ABCC9: variants seen among roughly 807,000 people sequenced by gnomAD.
ABCC9 encodes ATP-binding cassette sub-family C member 9.
Under a neutral mutation model 188.3 loss-of-function variants are expected in ABCC9, and 95 were observed. The ratio of observed to expected loss-of-function variants is 0.50; its 90% CI spans 0.43 to 0.60. The LOEUF (loss-of-function observed/expected upper bound fraction) is 0.60, where lower values mean the gene tolerates loss of function less well. Among genes scored for constraint, ABCC9 ranks in the 20% least tolerant of loss-of-function variants. The pLI is 0.00. For synonymous variants in ABCC9, 659 were observed against 652.7 expected, an observed-to-expected ratio of 1.01 and a Z score of -0.15; for missense variants, 1,102 against 1,876.3, an observed-to-expected ratio of 0.59 and a Z score of 7.62.
intron 12 of ABCC9, among the ~76,000 whole-genome samples, chr12:21,904,039 C>T (rs943452826): frequency 2.0e-5 from 3 of 152,194 alleles, no homozygotes; most frequent in African/African-American, 7.2e-5. Flanking sequence ...TACTACAAGG[C>T]TACAGTAACC....
intron 12 of ABCC9, among the ~76,000 whole-genome samples, chr12:21,903,311 A>G (rs892542773): frequency 3.9e-5 from 6 of 152,308 alleles, no homozygotes; most frequent in African/African-American, 1.2e-4. Flanking sequence ...TGACAAACCC[A>G]CAGCCAATAT....
In ABCC9 at chr12:21,907,492, T is replaced by A. The variant is rs4148659; in HGVS notation, c.1455+585A>T. On this transcript the variant is annotated intron_variant, in intron 11 of 39. Coordinates refer to ENST00000261200, the MANE Select transcript of ABCC9 (RefSeq NM_020297.4). ...AACAATTTTATTATTTGCAAAGATT[T>A]CTCTAAAAGCAGCAAATTCGTGCTC... Among the ~76,000 whole-genome samples the A allele has an allele frequency of 8.5e-5, 13 of 152,144 alleles. No homozygotes were observed. The East Asian group carries it at 2.3e-3, about 27-fold the overall frequency.
Position 21,881,037 on chromosome 12 carries a change from A to AAC in ABCC9, c.2019+1727_2019+1728dup, listed in dbSNP as rs374702057. 8.0e-4 allele frequency among the ~76,000 whole-genome samples: 122 copies of AAC among 151,712 alleles called. 1 individual carries two copies. The highest frequency in any genetic ancestry group is 6.2e-3 in the Admixed American group (94 of 15,216). Reference sequence around the variant, plus strand: ...ATACATAGTGTTGAGCAAAAGAAGCAACACACACACACACATATACACATA... The same window carrying AAC: ...ATACATAGTGTTGAGCAAAAGAAGCAACACACACACACACACATATACACATA... On this transcript the variant is annotated intron_variant, in intron 16 of 39. Coordinates refer to ENST00000261200, the MANE Select transcript of ABCC9 (RefSeq NM_020297.4).
chr12:21,902,354 T>A (rs1474326686), intron 12 of ABCC9, among the ~76,000 whole-genome samples: 2 of 152,070 alleles, frequency 1.3e-5, no homozygotes, highest in Non-Finnish European at 2.9e-5. Context: ...AGGAAAGATC[T>A]AAAACGGACA....
At chr12:21,886,003 T>A (rs1190108110) in intron 15 of ABCC9, among the ~76,000 whole-genome samples, 1 of 152,194 alleles carries the variant, frequency 6.6e-6, no homozygotes, top group Non-Finnish European at 1.5e-5. Context: ...TTTTTTCTAA[T>A]AGTAACAATT....
At chr12:21,838,935 A>G (rs1944241768) in intron 29 of ABCC9, among the ~76,000 whole-genome samples, 1 of 152,154 alleles carries the variant, frequency 6.6e-6, no homozygotes, top group Admixed American at 6.6e-5. Flanking sequence ...CTGAGGCAGG[A>G]GAATCACCTG....
intron 3 of ABCC9, among the ~76,000 whole-genome samples, chr12:21,934,907 T>A (rs1390111790): frequency 6.6e-6 from 1 of 152,136 alleles, no homozygotes; most frequent in Non-Finnish European, 1.5e-5. Context: ...ATATTTAATA[T>A]ATTCTACTAG....
intron 4 of ABCC9, among the ~76,000 whole-genome samples, chr12:21,927,798 T>C (rs1186150526): frequency 1.3e-5 from 2 of 152,306 alleles, no homozygotes; most frequent in East Asian, 1.9e-4. Context: ...GAAAGTAGTA[T>C]GGTAGCGCTT....
At chr12:21,838,283 AT>A in intron 29 of ABCC9, 113 bp from the exon 30 acceptor site, 3 of 848,456 alleles carry the variant, frequency 3.5e-6, no homozygotes, top group Non-Finnish European at 2.0e-6. Context: ...CCTCATTGAA[AT>A]TTTTTCCCCT....
chr12:21,818,026 T>G (rs1359288181), intron 32 of ABCC9, 124 bp downstream of exon 32: 1 of 373,786 alleles, frequency 2.7e-6, no homozygotes, highest in Non-Finnish European at 5.4e-6. Flanking sequence ...CACCCCCCAA[T>G]AGGCCCTGGT....
chr12:21,915,500 G>GTATATATATATA (rs1948554206), intron 7 of ABCC9, among the ~76,000 whole-genome samples, 168 bp downstream of exon 7: 1 of 8,362 alleles, frequency 1.2e-4, no homozygotes, highest in African/African-American at 5.1e-4. Flanking sequence ...GTGTGTGTGT[G>GTATATATATATA]TATATATATA....
chr12:21,809,860 C>T lies in ABCC9; in HGVS notation c.4307G>A (p.Gly1436Glu). 6.3e-7 allele frequency: 1 copy of T among 1,599,866 alleles called. No homozygotes were observed. The highest frequency in any genetic ancestry group is 1.1e-5 in the South Asian group (1 of 90,762). The change falls in exon 37 of 40, where the codon GGA (glycine) becomes GAA (glutamate). Residue 1436 changes from glycine (G) to glutamate (E), a missense_variant. Gly to Glu is a moderately conservative substitution (Grantham distance 98). Transcript: ENST00000261200. ...CTATTTAGGAAATATACCTAGACCTCCAGGTAGAGATTTGACCATATTCTT... is the reference window on the plus strand; with the variant it reads ...CTATTTAGGAAATATACCTAGACCTTCAGGTAGAGATTTGACCATATTCTT... ...QLKNMVKSLP[G>E]GLDAVVTEGG...
At chr12:21,855,179 A>G (rs1824056039) in intron 22 of ABCC9, among the ~76,000 whole-genome samples, 1 of 152,134 alleles carries the variant, frequency 6.6e-6, no homozygotes, top group African/African-American at 2.4e-5. Flanking sequence ...TTTTATAATA[A>G]TTCAATTTGA....
chr12:21,884,910 A>G lies in ABCC9; in HGVS notation c.1912-2037T>C, dbSNP rs575060445. On this transcript the variant is annotated intron_variant, in intron 15 of 39. Coordinates refer to ENST00000261200, the MANE Select transcript of ABCC9 (RefSeq NM_020297.4). ...AAAGCCACTATCCTTTAGGCTAAGT[A>G]TATTTTCCATACAAAACAGGTCTAC... 3.5e-4 allele frequency among the ~76,000 whole-genome samples: 53 copies of G among 152,344 alleles called. 1 individual carries two copies. The highest frequency in any genetic ancestry group is 1.2e-3 in the African/African-American group (50 of 41,584).
chr12:21,896,431 A>T (rs1421748982), intron 12 of ABCC9, among the ~76,000 whole-genome samples: 1 of 151,994 alleles, frequency 6.6e-6, no homozygotes, highest in African/African-American at 2.4e-5. Flanking sequence ...TTCTCTGACC[A>T]TTGTCACCCT....
intron 7 of ABCC9, 106 bp from the exon 8 acceptor site, chr12:21,913,172 T>A (rs920660782): frequency 3.7e-5 from 36 of 983,420 alleles, no homozygotes; most frequent in Non-Finnish European, 5.2e-5. Context: ...TCAAAAATAC[T>A]TTAAGGGTTT....
intron 38 of ABCC9, among the ~76,000 whole-genome samples, chr12:21,806,692 T>C (rs1485551002): frequency 6.6e-6 from 1 of 152,170 alleles, no homozygotes; most frequent in Non-Finnish European, 1.5e-5. Context: ...CAATGTGTCC[T>C]TTCTGAAGTC....
intron 13 of ABCC9, among the ~76,000 whole-genome samples, chr12:21,894,535 A>G (rs1947311569): frequency 7.7e-6 from 1 of 129,528 alleles, no homozygotes; most frequent in Admixed American, 8.2e-5. Flanking sequence ...AGAAAAAAGA[A>G]TGTTCTGTTG....
chr12:21,926,647 C>T (rs141705371), intron 4 of ABCC9, among the ~76,000 whole-genome samples: 121 of 152,228 alleles, frequency 7.9e-4, no homozygotes, highest in African/African-American at 2.6e-3. Context: ...ATAGAGTGCA[C>T]GTCTGGGACA....
Sources: allele counts gnomAD v4.1 joint callset (sites outside exome capture counted in the v4.1 genomes callset), GRCh38; gene constraint gnomAD v4.1.1; transcripts MANE v1.5; gene names NCBI Gene and HGNC (gene_info 2026-07-23, HGNC 2026-07-21).